Variants in TBCD observed in about 807,000 individuals in gnomAD.
The protein encoded by TBCD is tubulin folding cofactor D, also known as tubulin-specific chaperone D.
TBCD carries 105 observed loss-of-function variants against 169.3 expected under a neutral mutation model. The ratio of observed to expected loss-of-function variants is 0.62; its 90% CI spans 0.53 to 0.73. The LOEUF is 0.73. Among genes scored for constraint, TBCD ranks in the 30% least tolerant of loss-of-function variants. TBCD has a pLI of 0.00. For synonymous variants in TBCD, 700 were observed against 643.9 expected (o/e 1.09, Z -1.32); for missense variants, 1,444 against 1,600.1 (o/e 0.90, Z 1.66).
Position 82,833,978 on chromosome 17 carries a change from C to T in TBCD, c.1318+19044C>T, listed in dbSNP as rs933084779. Among the ~76,000 whole-genome samples, 7 of 152,066 alleles carry T rather than the reference C, an allele frequency of 4.6e-5. No homozygotes were observed. Among genetic ancestry groups the T allele is most frequent in the Non-Finnish European group, 7.4e-5 (5 of 67,990 alleles). On this transcript the variant is annotated intron_variant, in intron 13 of 38. Coordinates refer to ENST00000355528, the MANE Select transcript of TBCD (RefSeq NM_005993.5). This position sits in a 1 kb window ranked among gnomAD's most constrained non-coding sequence, Gnocchi z 4.7. Reference sequence around the variant, plus strand: ...TCTTTTTTTGAGACAGAGTTTCTCCCTTGTTGCCCAGTCTGGAGTGCCATG... The same window carrying T: ...TCTTTTTTTGAGACAGAGTTTCTCCTTTGTTGCCCAGTCTGGAGTGCCATG...
chr17:82,908,355 G>A, intron 21 of TBCD: 1 of 456,726 alleles, frequency 2.2e-6, no homozygotes, highest in Non-Finnish European at 4.4e-6. Flanking sequence ...TTTTGTGTGT[G>A]CGTCTGTCGG....
At position 82,933,273 on chromosome 17, in the gene TBCD, CTT is replaced by C. The variant is rs10639851; in HGVS notation, c.3191+556_3191+557del. On this transcript the variant is annotated intron_variant, in intron 34 of 38. Coordinates refer to ENST00000355528, the MANE Select transcript of TBCD (RefSeq NM_005993.5). ...TTGAATTTCACCGTGTTGGGCCAGT[CTT>C]TTTTTTTTTTTTTTTTTGAGACAGG... Among the ~76,000 whole-genome samples, 504 of 114,602 alleles carry C rather than the reference CTT, an allele frequency of 4.4e-3. 2 individuals carry two copies. Among genetic ancestry groups the C allele is most frequent in the African/African-American group, 0.016 (473 of 30,002 alleles). The allele number at this position is 114,602 out of a possible 152,430, so 75.2% of individuals were successfully genotyped here.
rs1267349261 is a variant in TBCD, at chr17:82,874,259, C to T, written c.1475+3879C>T. Among the ~76,000 whole-genome samples the T allele has an allele frequency of 3.3e-5, 5 of 152,156 alleles. No homozygotes were observed. The highest frequency in any genetic ancestry group is 4.8e-5 in the African/African-American group (2 of 41,434). Reference sequence around the variant, plus strand: ...TTCTCAGGCCTGAAGGACTGTAGGACGCACTGTGGGCTGCAGGCTTGAAGA... The same window carrying T: ...TTCTCAGGCCTGAAGGACTGTAGGATGCACTGTGGGCTGCAGGCTTGAAGA... On this transcript the variant is annotated intron_variant, in intron 14 of 38. Coordinates refer to ENST00000355528, the MANE Select transcript of TBCD (RefSeq NM_005993.5). The surrounding 1 kb of genome is among the most constrained non-coding windows in gnomAD (Gnocchi z 5.0).
At chr17:82,771,172 C>T (rs779061087) in intron 5 of TBCD, among the ~76,000 whole-genome samples, 4 of 151,710 alleles carry the variant, frequency 2.6e-5, no homozygotes, top group Admixed American at 6.6e-5. Flanking sequence ...TTTAAGGCAG[C>T]CCTCCGAAAA....
At chr17:82,906,253 G>A (rs148600435) in intron 20 of TBCD, among the ~76,000 whole-genome samples, 200 bp downstream of exon 20, 2,884 of 152,264 alleles carry the variant, frequency 0.019, 42 homozygotes, top group Non-Finnish European at 0.03. Context: ...GCCGTGGGTG[G>A]ACCACCCACC....
rs550932988 is a variant in TBCD at position 82,928,074 on chromosome 17, A to G, written c.2693+86A>G. On this transcript the variant is annotated intron_variant, in intron 30 of 38. Transcript: ENST00000355528. The stretch of plus-strand genomic sequence containing the variant: ...GGCGGGGCGGGCGGTCCTGGTGCTC[A>G]GTGGCATTTGCACTGCTGGGCACAC... 3.2e-4 allele frequency: 400 copies of G among 1,265,592 alleles called. 11 individuals carry two copies. The South Asian group carries it at 4.7e-3, about 15-fold the overall frequency. The allele number at this position is 1,265,592 out of a possible 1,614,324, so 78.4% of individuals were successfully genotyped here. A position where few individuals can be genotyped will look rare whatever the true frequency, so the allele number is the denominator to read the frequency against.
intron 13 of TBCD, among the ~76,000 whole-genome samples, chr17:82,863,204 C>A (rs549141883): frequency 2.0e-5 from 3 of 152,206 alleles, no homozygotes; most frequent in Admixed American, 1.3e-4. Flanking sequence ...CAGGCTTAGT[C>A]CTCAGATCAG....
chr17:82,888,599 C>T (rs2146344741), intron 15 of TBCD, among the ~76,000 whole-genome samples: 1 of 152,378 alleles, frequency 6.6e-6, no homozygotes, highest in East Asian at 1.9e-4. Flanking sequence ...CCTCCAATCT[C>T]CAGCCCAGCC....
chr17:82,940,760 A>T (rs3785523), intron 37 of TBCD, among the ~76,000 whole-genome samples: 38,499 of 142,762 alleles, frequency 0.27, 5,041 homozygotes, highest in East Asian at 0.45. Context: ...TGATTTTTTT[A>T]AAAAAAAACA....
chr17:82,910,238 C>T (rs1344592005), intron 22 of TBCD, among the ~76,000 whole-genome samples: 1 of 152,182 alleles, frequency 6.6e-6, no homozygotes, highest in African/African-American at 2.4e-5. Flanking sequence ...CCTGCTGCTG[C>T]ACGTCCCCAT....
intron 23 of TBCD, among the ~76,000 whole-genome samples, chr17:82,916,209 C>T (rs769082021): frequency 6.6e-6 from 1 of 152,140 alleles, no homozygotes; most frequent in Non-Finnish European, 1.5e-5. Flanking sequence ...GCTGGTGGCA[C>T]CCTCTCGTTT....
intron 13 of TBCD, among the ~76,000 whole-genome samples, chr17:82,840,958 T>TTTTG (rs2054454985): frequency 1.4e-5 from 1 of 71,372 alleles, no homozygotes; most frequent in Non-Finnish European, 2.9e-5. Context: ...AAACTGGTTT[T>TTTTG]TTTTTTTTTT....
chr17:82,764,204 A>G, intron 3 of TBCD, 142 bp downstream of exon 3: 1 of 673,822 alleles, frequency 1.5e-6, no homozygotes, highest in Non-Finnish European at 2.5e-6. Context: ...TTTTTACTGT[A>G]TGTTGGGGAT....
Position 82,798,313 on chromosome 17 carries a change from A to G in TBCD, c.817+511A>G, listed in dbSNP as rs557585247. ...AGGTGCCTGCCACAATGCCCAGCTAATTTTTTGTATTTTTAGTAGAGATGG... is the reference window on the plus strand; with the variant it reads ...AGGTGCCTGCCACAATGCCCAGCTAGTTTTTTGTATTTTTAGTAGAGATGG... On this transcript the variant is annotated intron_variant, in intron 8 of 38. Transcript: ENST00000355528. 9.2e-5 allele frequency among the ~76,000 whole-genome samples: 14 copies of G among 152,008 alleles called. No individual in the cohort carries two copies. In the East Asian group the frequency reaches 2.5e-3, roughly 27 times the overall value.
intron 14 of TBCD, among the ~76,000 whole-genome samples, chr17:82,876,189 C>T (rs371981749): frequency 6.6e-6 from 1 of 152,176 alleles, no homozygotes; most frequent in Non-Finnish European, 1.5e-5. Context: ...TGGGACAAGT[C>T]GAGGCGTGCA....
At chr17:82,924,890 C>T in intron 26 of TBCD, 49 bp from the exon 27 acceptor site, 1 of 1,468,404 alleles carries the variant, frequency 6.8e-7, no homozygotes, top group Non-Finnish European at 9.3e-7. Flanking sequence ...TGTGGCTGTA[C>T]ACGATGGGCA....
chr17:82,877,830 T>C (rs533941720), intron 14 of TBCD, among the ~76,000 whole-genome samples: 42 of 152,216 alleles, frequency 2.8e-4, no homozygotes, highest in Non-Finnish European at 4.7e-4. Flanking sequence ...ATTTAGGCTA[T>C]AGTTTGTTAT....
At chr17:82,760,708 T>C (rs1185239314) in intron 2 of TBCD, among the ~76,000 whole-genome samples, 2 of 152,236 alleles carry the variant, frequency 1.3e-5, no homozygotes, top group African/African-American at 4.8e-5. Context: ...ATTAGTGTAT[T>C]ACAGAGTTGT....
chr17:82,838,097 C>T (rs1336161678), intron 13 of TBCD, among the ~76,000 whole-genome samples: 1 of 152,242 alleles, frequency 6.6e-6, no homozygotes. Flanking sequence ...TCCTGCTCAA[C>T]GTGCACTGGG....
Sources: gnomAD v4.1 joint callset for allele counts (sites outside exome capture counted in the v4.1 genomes callset) on GRCh38, gnomAD v4.1.1 for gene constraint, Gnocchi (gnomAD v3.1) non-coding constraint, MANE v1.5 for transcripts, NCBI Gene and HGNC (gene_info 2026-07-23, HGNC 2026-07-21) for gene names.